The following DYSF variants were observed in gnomAD, a reference collection of about 807,000 sequenced individuals.
The protein encoded by DYSF is dystrophy-associated fer-1-like 1.
A neutral mutation model predicts 274.9 loss-of-function variants in DYSF; 212 were observed. That is an observed-to-expected ratio of 0.77 (90% CI 0.69 to 0.86). DYSF has a LOEUF of 0.86. Among genes scored for constraint, DYSF ranks in the 40% least tolerant of loss-of-function variants. The pLI is 0.00. For synonymous variants in DYSF, 1,091 were observed against 1,078.7 expected (o/e 1.01, Z -0.22); for missense variants, 2,666 against 2,783.2 (o/e 0.96, Z 0.95).
At chr2:71,622,126 C>CTTTTTTTTT (rs1558651607) in intron 41 of DYSF, among the ~76,000 whole-genome samples, 3 of 38,756 alleles carry the variant, frequency 7.7e-5, no homozygotes, top group African/African-American at 1.8e-4. Context: ...CAGATGATTT[C>CTTTTTTTTT]TTTGTTTTTT....
intron 3 of DYSF, among the ~76,000 whole-genome samples, chr2:71,485,930 C>T (rs777958740): frequency 4.8e-4 from 73 of 152,136 alleles, no homozygotes; most frequent in Non-Finnish European, 7.6e-4. Flanking sequence ...TCTCCCATCT[C>T]GGCCTCCCAA....
intron 54 of DYSF, among the ~76,000 whole-genome samples, chr2:71,682,190 C>A (rs1283396480): frequency 6.6e-6 from 1 of 151,888 alleles, no homozygotes; most frequent in African/African-American, 2.4e-5. Flanking sequence ...CTGCCCAGCT[C>A]CTAAATCTGC....
chr2:71,535,294 G>A lies in DYSF; in HGVS notation c.1476G>A (p.Arg492=), dbSNP rs768604446. 1.7e-5 allele frequency: 28 copies of A among 1,614,074 alleles called. No individual in the cohort carries two copies. Among genetic ancestry groups the A allele is most frequent in the African/African-American group, 2.7e-5 (2 of 74,922 alleles). The change falls in exon 16 of 56, where the codon AGG becomes AGA. Residue 492 remains arginine (R), a synonymous_variant. Coordinates refer to ENST00000410020, the MANE Select transcript of DYSF (RefSeq NM_001130987.2). ...AMFPSMCEKM[R]IRIIDWDRLT... is the part of the protein sequence containing the mutation. ...TTCCCTCCATGTGCGAAAAAATGAG[G>A]ATTCGTATCATAGACTGGTGAGTTC...
chr2:71,675,341 G>A (rs1200036780), intron 52 of DYSF, among the ~76,000 whole-genome samples: 1 of 152,160 alleles, frequency 6.6e-6, no homozygotes, highest in Admixed American at 6.5e-5. Flanking sequence ...AAAATAAAGC[G>A]AGCTTGTGAA....
chr2:71,480,768 G>T, intron 1 of DYSF, 115 bp from the exon 2 acceptor site: 1 of 927,820 alleles, frequency 1.1e-6, no homozygotes, highest in Non-Finnish European at 1.7e-6. Context: ...TGTTGATTTT[G>T]TAAGATTTCC....
chr2:71,477,563 T>C (rs550014368), intron 1 of DYSF, among the ~76,000 whole-genome samples: 42 of 152,334 alleles, frequency 2.8e-4, no homozygotes, highest in African/African-American at 1.0e-3. Context: ...CATTAATGTA[T>C]GAGTGTAATT....
At chr2:71,453,952 G>C (rs1386190471) in exon 1 of DYSF, 1 of 1,603,330 alleles carries the variant, frequency 6.2e-7, no homozygotes, top group East Asian at 2.2e-5. Flanking sequence ...CGACCTTTCC[G>C]AGCCCTCTTT....
intron 2 of DYSF, among the ~76,000 whole-genome samples, chr2:71,481,508 A>G (rs2082892276): frequency 6.6e-6 from 1 of 152,206 alleles, no homozygotes; most frequent in African/African-American, 2.4e-5. Context: ...GGATGAGCCC[A>G]ATAATCTTGG....
intron 22 of DYSF, among the ~76,000 whole-genome samples, chr2:71,560,427 C>T (rs1191473902): frequency 1.4e-4 from 2 of 14,452 alleles, no homozygotes; most frequent in African/African-American, 1.6e-3. Flanking sequence ...GCCCCCGCCC[C>T]GCTACCCACC....
At chr2:71,600,975 A>T (rs1355909249) in intron 34 of DYSF, 133 bp downstream of exon 34, 7 of 1,169,472 alleles carry the variant, frequency 6.0e-6, no homozygotes, top group Non-Finnish European at 8.6e-6. Context: ...ACCCTAAGTC[A>T]GGACACCATC....
chr2:71,559,314 C>G (rs953688864), intron 22 of DYSF, among the ~76,000 whole-genome samples: 5 of 152,238 alleles, frequency 3.3e-5, no homozygotes, highest in Non-Finnish European at 7.3e-5. Flanking sequence ...CGCTGGAAAC[C>G]TGAGCCAGCT....
At chr2:71,499,831 G>A (rs2084795832) in intron 3 of DYSF, among the ~76,000 whole-genome samples, 1 of 152,196 alleles carries the variant, frequency 6.6e-6, no homozygotes, top group African/African-American at 2.4e-5. Context: ...CACCTGTGGT[G>A]TTTTCCTCCA....
chr2:71,658,703 C>T lies in DYSF; in HGVS notation c.4756-175C>T, dbSNP rs537516499. Among the ~76,000 whole-genome samples, 9 of 152,258 alleles carry T rather than the reference C, an allele frequency of 5.9e-5. No homozygotes were observed. In the South Asian group the frequency reaches 8.3e-4, roughly 14 times the overall value. On this transcript the variant is annotated intron_variant, in intron 43 of 55. Coordinates refer to ENST00000410020, the MANE Select transcript of DYSF (RefSeq NM_001130987.2). The stretch of plus-strand genomic sequence containing the variant: ...ATCTCATGATACTTATTTACTATCA[C>T]GAGAATAGCATGGGAAAGACTGGCC...
chr2:71,578,633 C>T (rs975299646), intron 30 of DYSF, among the ~76,000 whole-genome samples: 2 of 152,138 alleles, frequency 1.3e-5, no homozygotes, highest in Non-Finnish European at 2.9e-5. Flanking sequence ...GCAGGCCTTG[C>T]AGGGGCTGGG....
intron 22 of DYSF, among the ~76,000 whole-genome samples, chr2:71,560,486 G>A (rs1200761195): frequency 1.1e-5 from 1 of 92,004 alleles, no homozygotes; most frequent in Non-Finnish European, 2.2e-5. Flanking sequence ...GCCCATCCGC[G>A]GCACCCTCGG....
chr2:71,461,495 A>C (rs2081284538), intron 1 of DYSF, among the ~76,000 whole-genome samples: 1 of 152,230 alleles, frequency 6.6e-6, no homozygotes, highest in Admixed American at 6.5e-5. Flanking sequence ...CGAGAGGTGG[A>C]ATGGCCTTGC....
intron 10 of DYSF, among the ~76,000 whole-genome samples, chr2:71,519,469 T>C (rs1182147712): frequency 2.6e-5 from 4 of 152,276 alleles, no homozygotes; most frequent in South Asian, 2.1e-4. Context: ...ACAGTTCCCA[T>C]ATACTCCCTG....
intron 30 of DYSF, among the ~76,000 whole-genome samples, chr2:71,587,745 C>T (rs1440264324): frequency 6.6e-6 from 1 of 152,156 alleles, no homozygotes; most frequent in Non-Finnish European, 1.5e-5. Context: ...GAACTGGAGC[C>T]CGAGGAATCT....
At chr2:71,621,199 G>A (rs1235890858) in intron 41 of DYSF, among the ~76,000 whole-genome samples, 1 of 152,006 alleles carries the variant, frequency 6.6e-6, no homozygotes, top group African/African-American at 2.4e-5. Context: ...TTCAGCATGC[G>A]CTCCTGAAGT....
Sources: allele counts gnomAD v4.1 joint callset (sites outside exome capture counted in the v4.1 genomes callset), GRCh38; gene constraint gnomAD v4.1.1; transcripts MANE v1.5; gene names NCBI Gene and HGNC (gene_info 2026-07-23, HGNC 2026-07-21).